MLXIP: variants seen among roughly 807,000 people sequenced by gnomAD.
MLXIP encodes MLX interacting protein, also known as MLX-interacting protein.
A neutral mutation model predicts 87.2 loss-of-function variants in MLXIP; 30 were observed. The ratio of observed to expected loss-of-function variants is 0.34; its 90% confidence interval spans 0.26 to 0.47. The LOEUF (loss-of-function observed/expected upper bound fraction) is 0.47. MLXIP is among the 20% of genes least tolerant of loss of function. The pLI is 1.00. For synonymous variants in MLXIP, 530 were observed against 514.0 expected, an observed-to-expected ratio of 1.03 and a Z score of -0.42; for missense variants, 1,002 against 1,240.1, an observed-to-expected ratio of 0.81 and a Z score of 2.88.
chr12:122,113,230 T>C (rs892058082), intron 1 of MLXIP, among the ~76,000 whole-genome samples: 20 of 152,188 alleles, frequency 1.3e-4, no homozygotes, highest in Admixed American at 3.9e-4. Context: ...ATTTAAGCAT[T>C]ATGTTATTCA....
chr12:122,115,114 A>G (rs1257850128), intron 1 of MLXIP, among the ~76,000 whole-genome samples: 1 of 152,070 alleles, frequency 6.6e-6, no homozygotes, highest in African/African-American at 2.4e-5. Flanking sequence ...AGGTGGCGGA[A>G]TTGAAGGTGA....
At chr12:122,094,687 GTTGTGTGTT>G (rs1231395016) in intron 1 of MLXIP, among the ~76,000 whole-genome samples, 1 of 145,596 alleles carries the variant, frequency 6.9e-6, no homozygotes, top group Non-Finnish European at 1.5e-5. Flanking sequence ...TGCGATGTCT[GTTGTGTGTT>G]GTGTGTGTGG....
intron 9 of MLXIP, chr12:122,134,926 G>A (rs749425230): frequency 1.1e-5 from 4 of 364,772 alleles, no homozygotes; most frequent in East Asian, 1.4e-4. Context: ...CACCTGCCTC[G>A]GCCTCCCAAG....
intron 1 of MLXIP, among the ~76,000 whole-genome samples, chr12:122,120,751 AC>A (rs1275058651): frequency 6.6e-6 from 1 of 151,888 alleles, no homozygotes; most frequent in African/African-American, 2.4e-5. Context: ...GGAGGGAACG[AC>A]CCCAGCCCAG....
At chr12:122,138,684 C>A in intron 14 of MLXIP, 131 bp from the exon 15 acceptor site, 1 of 1,492,486 alleles carries the variant, frequency 6.7e-7, no homozygotes, top group Admixed American at 2.2e-5. Context: ...TCTTTGTCAA[C>A]CTCCTTCCAC....
In MLXIP at chr12:122,106,566, G is replaced by GTGGTGAAA. The variant is rs1417925769; in HGVS notation, c.414-20689_414-20682dup. On this transcript the variant is annotated intron_variant, in intron 1 of 16. Transcript: ENST00000319080. ...ATGGTGTGGATGCATTTGATTCCTG[G>GTGGTGAAA]TGGTGAAAGCAAGATGGAATCGCAG... is the stretch of plus-strand genomic sequence containing the variant. Among the ~76,000 whole-genome samples the GTGGTGAAA allele has an allele frequency of 1.4e-3, 209 of 151,038 alleles. 2 individuals carry two copies. Among genetic ancestry groups the GTGGTGAAA allele is most frequent in the African/African-American group, 4.8e-3 (197 of 41,146 alleles).
chr12:122,091,695 G>A (rs1266075396), intron 1 of MLXIP, among the ~76,000 whole-genome samples: 1 of 152,148 alleles, frequency 6.6e-6, no homozygotes, highest in Non-Finnish European at 1.5e-5. Context: ...CATGGTTATG[G>A]AGAAATCTCT....
At chr12:122,107,255 C>T (rs906355005) in intron 1 of MLXIP, among the ~76,000 whole-genome samples, 1 of 151,940 alleles carries the variant, frequency 6.6e-6, no homozygotes, top group African/African-American at 2.4e-5. Flanking sequence ...CCCCCAGCTG[C>T]AATTCCTGTG....
At chr12:122,115,932 T>C (rs1952683336) in intron 1 of MLXIP, among the ~76,000 whole-genome samples, 1 of 151,858 alleles carries the variant, frequency 6.6e-6, no homozygotes, top group East Asian at 1.9e-4. Flanking sequence ...GTACCTGTAA[T>C]CCCAGCTACT....
chr12:122,136,680 G>A (rs994194766), intron 11 of MLXIP: 4 of 152,124 alleles, frequency 2.6e-5, no homozygotes, highest in African/African-American at 4.8e-5. Context: ...GCAAACAGTT[G>A]TCTCCCTCTT....
intron 1 of MLXIP, among the ~76,000 whole-genome samples, chr12:122,110,219 G>A (rs1225614373): frequency 2.0e-5 from 3 of 152,166 alleles, no homozygotes; most frequent in African/African-American, 4.8e-5. Flanking sequence ...TTAGGAGGCC[G>A]AGGCAGGAGG....
chr12:122,114,565 C>T (rs1285743478), intron 1 of MLXIP, among the ~76,000 whole-genome samples: 2 of 152,110 alleles, frequency 1.3e-5, no homozygotes, highest in South Asian at 2.1e-4. Flanking sequence ...AACTGATACC[C>T]TGTGCTCCAG....
At chr12:122,104,270 A>C (rs1033378205) in intron 1 of MLXIP, among the ~76,000 whole-genome samples, 1 of 152,224 alleles carries the variant, frequency 6.6e-6, no homozygotes, top group Non-Finnish European at 1.5e-5. Flanking sequence ...GAACATTTCC[A>C]TGACCCCAGA....
intron 1 of MLXIP, among the ~76,000 whole-genome samples, chr12:122,121,056 C>T (rs1952776044): frequency 8.2e-6 from 1 of 122,608 alleles, no homozygotes; most frequent in Non-Finnish European, 1.7e-5. Flanking sequence ...TGTCGCCAGG[C>T]TGGAATGCAG....
chr12:122,128,020 A>C, intron 3 of MLXIP, 52 bp downstream of exon 3: 41 of 1,496,318 alleles, frequency 2.7e-5, no homozygotes, highest in Non-Finnish European at 3.4e-5. Flanking sequence ...CCAGCACCTC[A>C]CCGGGAGTGG....
intron 1 of MLXIP, among the ~76,000 whole-genome samples, chr12:122,119,730 G>A (rs1291503254): frequency 6.6e-6 from 1 of 152,226 alleles, no homozygotes; most frequent in African/African-American, 2.4e-5. Context: ...TGAATATCTA[G>A]GTTATTTCCA....
intron 1 of MLXIP, among the ~76,000 whole-genome samples, chr12:122,114,651 A>G (rs1952659292): frequency 6.6e-6 from 1 of 152,130 alleles, no homozygotes; most frequent in Non-Finnish European, 1.5e-5. Flanking sequence ...CCCATCAGGC[A>G]GAACTAATTT....
chr12:122,093,659 GAT>G (rs1373475450), intron 1 of MLXIP, among the ~76,000 whole-genome samples: 5 of 136,392 alleles, frequency 3.7e-5, no homozygotes, highest in Non-Finnish European at 3.2e-5. Flanking sequence ...TGTGTGTGTT[GAT>G]ATGTGTGTGT....
intron 1 of MLXIP, among the ~76,000 whole-genome samples, chr12:122,124,213 C>CT (rs1952835063): frequency 3.3e-5 from 1 of 29,928 alleles, no homozygotes; most frequent in African/African-American, 2.1e-4. Context: ...TGTCCCCCTC[C>CT]TCAGCCGTCC....
Sources: allele counts gnomAD v4.1 joint callset (sites outside exome capture counted in the v4.1 genomes callset), GRCh38; gene constraint gnomAD v4.1.1; transcripts MANE v1.5; gene names NCBI Gene and HGNC (gene_info 2026-07-23, HGNC 2026-07-21).